GRID2: variants seen among roughly 807,000 people sequenced by gnomAD.
The protein encoded by GRID2 is glutamate receptor ionotropic, delta-2.
In GRID2, 33 loss-of-function variants were observed where a neutral mutation model predicts 114.8. The observed-to-expected ratio is 0.29, with a 90% confidence interval of 0.22 to 0.38. The LOEUF is 0.38. Among genes scored for constraint, GRID2 ranks in the 10% least tolerant of loss-of-function variants. The probability of loss-of-function intolerance (pLI) is 1.00; values close to 1 mark genes in which losing one functional copy is unlikely to be tolerated. For synonymous variants in GRID2, 505 were observed against 449.9 expected (o/e 1.12, Z -1.55); for missense variants, 1,184 against 1,257.7 (o/e 0.94, Z 0.89).
At chr4:93,150,067 A>G (rs531882613) in intron 4 of GRID2, among the ~76,000 whole-genome samples, 2 of 152,342 alleles carry the variant, frequency 1.3e-5, no homozygotes, top group South Asian at 2.1e-4. Context: ...ACCAAAAAAG[A>G]AAGTTTCAAT....
At position 92,440,226 on chromosome 4, in the gene GRID2, G is replaced by C. The variant is rs1019560888; in HGVS notation, c.88+135482G>C. Among the ~76,000 whole-genome samples the C allele has an allele frequency of 7.5e-5, 11 of 146,156 alleles. 3 individuals are homozygous for C. Among genetic ancestry groups the C allele is most frequent in the Non-Finnish European group, 1.5e-4 (10 of 64,666 alleles). Reference sequence around the variant, plus strand: ...TTCTTGAAGACGGAGGACCTTAAGGGATATAAAGGTTTCACTGAATACTAA... The same window carrying C: ...TTCTTGAAGACGGAGGACCTTAAGGCATATAAAGGTTTCACTGAATACTAA... On this transcript the variant is annotated intron_variant, in intron 1 of 15. Coordinates refer to ENST00000282020, the MANE Select transcript of GRID2 (RefSeq NM_001510.4).
intron 14 of GRID2, among the ~76,000 whole-genome samples, chr4:93,660,557 C>G (rs117489274): frequency 1.3e-5 from 2 of 151,780 alleles, no homozygotes; most frequent in Admixed American, 1.3e-4. Context: ...GAGCAGTAGT[C>G]GCGTATCTGC....
chr4:92,367,270 G>C (rs930622477), intron 1 of GRID2, among the ~76,000 whole-genome samples: 5 of 152,014 alleles, frequency 3.3e-5, no homozygotes, highest in African/African-American at 1.2e-4. Context: ...ACACATGTTA[G>C]TTGAGACTTA....
intron 2 of GRID2, among the ~76,000 whole-genome samples, chr4:93,005,294 CAT>C (rs1721393977): frequency 6.6e-6 from 1 of 152,022 alleles, no homozygotes; most frequent in Non-Finnish European, 1.5e-5. Flanking sequence ...GATAATTTAT[CAT>C]ATATTCTCAC....
chr4:93,151,845 G>A (rs1736767459), intron 4 of GRID2, among the ~76,000 whole-genome samples: 1 of 151,962 alleles, frequency 6.6e-6, no homozygotes, highest in South Asian at 2.1e-4. Flanking sequence ...AACTTGTTTT[G>A]TGTGTCTCGA....
intron 1 of GRID2, among the ~76,000 whole-genome samples, chr4:92,541,770 CCAGA>C (rs1258298368): frequency 3.3e-5 from 5 of 151,764 alleles, no homozygotes; most frequent in Admixed American, 3.3e-4. Context: ...GGGCAATGAT[CCAGA>C]CAGATATTTC....
chr4:93,022,624 G>A (rs1026348874), intron 2 of GRID2, among the ~76,000 whole-genome samples: 1 of 151,732 alleles, frequency 6.6e-6, no homozygotes, highest in African/African-American at 2.4e-5. Flanking sequence ...TAATCAAAAT[G>A]TTTTCACAAA....
intron 14 of GRID2, among the ~76,000 whole-genome samples, chr4:93,745,327 A>G (rs1315369747): frequency 6.6e-6 from 1 of 152,200 alleles, no homozygotes; most frequent in Non-Finnish European, 1.5e-5. Flanking sequence ...AAAAAAAGAG[A>G]GAATAGAAAT....
chr4:92,795,831 G>T (rs1424604756), intron 2 of GRID2, among the ~76,000 whole-genome samples: 3 of 151,872 alleles, frequency 2.0e-5, no homozygotes, highest in African/African-American at 7.2e-5. Flanking sequence ...GTTGTTTTCT[G>T]TTAATTTATC....
At chr4:93,291,663 T>C (rs1036958954) in intron 8 of GRID2, among the ~76,000 whole-genome samples, 1 of 152,208 alleles carries the variant, frequency 6.6e-6, no homozygotes, top group South Asian at 2.1e-4. Context: ...TCCAAGTATA[T>C]ACTTATTTTG....
chr4:92,636,591 C>A (rs993656821), intron 2 of GRID2, among the ~76,000 whole-genome samples: 8 of 152,052 alleles, frequency 5.3e-5, no homozygotes, highest in Admixed American at 3.3e-4. Flanking sequence ...GCCTTTGAGT[C>A]CTGTAAATTA....
intron 4 of GRID2, among the ~76,000 whole-genome samples, chr4:93,128,172 A>T (rs1455027542): frequency 1.3e-5 from 2 of 150,684 alleles, no homozygotes; most frequent in African/African-American, 4.9e-5. Flanking sequence ...CCACTAAATT[A>T]TTTGTAAGGC....
At chr4:93,163,384 A>ATATATACACTATATATATATATATATATG (rs1737912319) in intron 4 of GRID2, among the ~76,000 whole-genome samples, 1 of 39,430 alleles carries the variant, frequency 2.5e-5, no homozygotes, top group African/African-American at 1.4e-4. Context: ...ATATATATAT[A>ATATATACACTATATATATATATATATATG]TATATATATA....
chr4:93,068,269 C>G (rs1728487275), intron 2 of GRID2, among the ~76,000 whole-genome samples: 1 of 151,938 alleles, frequency 6.6e-6, no homozygotes, highest in African/African-American at 2.4e-5. Flanking sequence ...TAATTTGTGA[C>G]TAGCAAAAAC....
intron 4 of GRID2, among the ~76,000 whole-genome samples, chr4:93,178,094 T>C (rs1739521323): frequency 6.6e-6 from 1 of 150,750 alleles, no homozygotes. Context: ...ACATATAAGC[T>C]AGTGAGCAAG....
intron 12 of GRID2, among the ~76,000 whole-genome samples, chr4:93,503,809 A>G (rs913808280): frequency 6.6e-6 from 1 of 152,090 alleles, no homozygotes; most frequent in African/African-American, 2.4e-5. Flanking sequence ...GAGATATCTT[A>G]ATAAACAAGG....
At chr4:93,199,296 C>T (rs1741833335) in intron 4 of GRID2, among the ~76,000 whole-genome samples, 1 of 152,164 alleles carries the variant, frequency 6.6e-6, no homozygotes, top group Admixed American at 6.5e-5. Context: ...AGGTAAAGTA[C>T]TGAAATCATG....
At position 93,216,862 on chromosome 4, in the gene GRID2, T is replaced by C; in HGVS notation, c.914T>C (p.Ile305Thr). The C allele has an allele frequency of 6.2e-7, 1 of 1,613,158 alleles. No individual in the cohort carries two copies. Among genetic ancestry groups the C allele is most frequent in the Non-Finnish European group, 8.5e-7 (1 of 1,179,168 alleles). ...SQRCFRGNHR[I>T]SSTLCDPKDP... ...CGGTGTTTCCGTGGCAACCATCGAA[T>C]ATCTTCAACATTGTGTGATCCAAAG... is the stretch of plus-strand genomic sequence containing the variant. The change falls in exon 6 of 16, where the codon ATA (isoleucine) becomes ACA (threonine). Residue 305 changes from isoleucine (I) to threonine (T), a missense_variant. This residue lies in a region of GRID2 where 455 missense variants were observed against 429.5 expected (regional missense o/e 1.06). Transcript: ENST00000282020.
intron 1 of GRID2, among the ~76,000 whole-genome samples, chr4:92,534,352 T>C (rs559679503): frequency 6.6e-6 from 1 of 152,276 alleles, no homozygotes; most frequent in South Asian, 2.1e-4. Flanking sequence ...AATTATCCAT[T>C]CATTTCATGA....
Sources: gnomAD v4.1 joint callset for allele counts (sites outside exome capture counted in the v4.1 genomes callset) on GRCh38, gnomAD v4.1.1 for gene constraint, gnomAD v4.1.1 regional missense constraint, MANE v1.5 for transcripts, NCBI Gene and HGNC (gene_info 2026-07-23, HGNC 2026-07-21) for gene names.